Variants in TCP11L2 observed in about 807,000 individuals in gnomAD.
TCP11L2 encodes the protein t-complex 11 like 2, also known as T-complex protein 11-like protein 2.
Under a neutral mutation model 50.7 loss-of-function variants are expected in TCP11L2, and 39 were observed. That is an observed-to-expected ratio of 0.77 (90% confidence interval 0.60 to 1.01). The LOEUF (loss-of-function observed/expected upper bound fraction) is 1.01. Among genes scored for constraint, TCP11L2 ranks in the 50% least tolerant of loss-of-function variants. TCP11L2 has a pLI of 0.00. For synonymous variants in TCP11L2, 192 were observed against 219.3 expected, an observed-to-expected ratio of 0.88 and a Z score of 1.10; for missense variants, 612 against 614.7, an observed-to-expected ratio of 1.00 and a Z score of 0.05.
chr12:106,326,546 A>G (rs1465686099), intron 6 of TCP11L2, among the ~76,000 whole-genome samples: 1 of 152,210 alleles, frequency 6.6e-6, no homozygotes, highest in Non-Finnish European at 1.5e-5. Context: ...ACTACATGCT[A>G]AGTCCTTACT....
chr12:106,321,431 G>A, intron 4 of TCP11L2, 55 bp from the exon 5 acceptor site: 1 of 1,462,548 alleles, frequency 6.8e-7, no homozygotes, highest in East Asian at 2.4e-5. Flanking sequence ...GAGGTGAAAA[G>A]TGACAGCTTT....
Position 106,321,547 on chromosome 12 carries a change from T to C in TCP11L2, c.476T>C (p.Leu159Ser). 6.2e-7 allele frequency: 1 copy of C among 1,614,262 alleles called. No individual in the cohort carries two copies. The highest frequency in any genetic ancestry group is 8.5e-7 in the Non-Finnish European group (1 of 1,180,048). ...NRLRNQICEV[L>S]DTDLIRQQAE... Reference sequence around the variant, plus strand: ...CTTCGCAACCAAATCTGTGAAGTTTTGGACACAGACCTCATTAGGCAGCAG... The same window carrying C: ...CTTCGCAACCAAATCTGTGAAGTTTCGGACACAGACCTCATTAGGCAGCAG... Residue 159 changes from leucine to serine, a missense_variant, in exon 5 of 10, where the codon TTG (leucine) becomes TCG (serine). Coordinates refer to ENST00000299045, the MANE Select transcript of TCP11L2 (RefSeq NM_152772.3).
At position 106,336,198 on chromosome 12, in the gene TCP11L2, A is replaced by G; in HGVS notation, c.1127A>G (p.Glu376Gly). 3 of 1,609,202 alleles carry G rather than the reference A, an allele frequency of 1.9e-6. No individual in the cohort carries two copies. The highest frequency in any genetic ancestry group is 3.3e-4 in the Middle Eastern group (2 of 6,010). Residue 376 changes from glutamate (E) to glycine (G), a missense_variant, in exon 8 of 10, where the codon GAA (glutamate) becomes GGA (glycine). Physicochemically the swap from Glu to Gly is moderately conservative, Grantham distance 98 (BLOSUM62 -2). Coordinates refer to ENST00000299045, the MANE Select transcript of TCP11L2 (RefSeq NM_152772.3). The stretch of plus-strand genomic sequence containing the variant: ...ACAAGGATTTCAGCTGTTCTACTTG[A>G]AGGCATGAACAAAGAGTAAGTTCCA... ...RLTRISAVLLEGMNKETFNLK... is the reference protein window; with the variant it reads ...RLTRISAVLLGGMNKETFNLK...
At chr12:106,337,677 C>CT (rs893930800) in intron 8 of TCP11L2, among the ~76,000 whole-genome samples, 28 of 152,318 alleles carry the variant, frequency 1.8e-4, no homozygotes, top group African/African-American at 6.0e-4. Context: ...ATTATGAACA[C>CT]TTGAATATGT....
At chr12:106,329,201 G>A (rs181502474) in intron 6 of TCP11L2, 9 of 1,121,848 alleles carry the variant, frequency 8.0e-6, no homozygotes, top group Non-Finnish European at 1.2e-5. Context: ...GGAACTTCTC[G>A]AGTGCAGGGA....
chr12:106,344,316 T>C (rs779001400), intron 9 of TCP11L2, among the ~76,000 whole-genome samples: 3 of 152,152 alleles, frequency 2.0e-5, no homozygotes, highest in Non-Finnish European at 2.9e-5. Context: ...TTACAATGTG[T>C]CTGTCACATG....
At chr12:106,330,379 G>C in intron 6 of TCP11L2, 1 of 905,750 alleles carries the variant, frequency 1.1e-6, no homozygotes. Flanking sequence ...CACTGCCCCC[G>C]CCCCACAACA....
rs903657057 is a variant in TCP11L2 at position 106,346,830 on chromosome 12, T to C, written c.*300T>C. 4.0e-6 allele frequency: 1 copy of C among 253,026 alleles called. No homozygotes were observed. The highest frequency in any genetic ancestry group is 7.5e-6 in the Non-Finnish European group (1 of 133,264). The allele number at this position is 253,026 out of a possible 1,614,324, so 15.7% of individuals were successfully genotyped here. The stretch of plus-strand genomic sequence containing the variant: ...ACCTATATAATACTTGTAAATGTTT[T>C]CTTAACCATTTATATTTGGCTTATG... On this transcript the variant is annotated 3_prime_UTR_variant, in exon 10 of 10. Transcript: ENST00000299045.
chr12:106,331,104 A>C (rs1418018722), intron 6 of TCP11L2, among the ~76,000 whole-genome samples: 2 of 152,166 alleles, frequency 1.3e-5, no homozygotes, highest in Non-Finnish European at 2.9e-5. Flanking sequence ...ATGAGACTCA[A>C]GTTCAGTGAT....
chr12:106,321,508 C>T lies in TCP11L2; in HGVS notation c.437C>T (p.Pro146Leu). ...IREILLSFLT[P>L]GGNRLRNQIC... ...TAGATTCTTCTCTCTTTTCTCACTC[C>T]CGGTGGCAACCGGCTTCGCAACCAA... Residue 146 changes from proline (P) to leucine (L), a missense_variant, in exon 5 of 10, where the codon CCC becomes CTC. Pro to Leu is a moderately conservative substitution (Grantham distance 98, BLOSUM62 -3). Transcript: ENST00000299045. 2 of 1,613,950 alleles carry T rather than the reference C, an allele frequency of 1.2e-6. No individual in the cohort carries two copies. The highest frequency in any genetic ancestry group is 1.7e-6 in the Non-Finnish European group (2 of 1,179,940).
chr12:106,344,794 GTAT>G (rs1488823025), intron 9 of TCP11L2, among the ~76,000 whole-genome samples: 5 of 152,170 alleles, frequency 3.3e-5, no homozygotes, highest in Admixed American at 2.0e-4. Flanking sequence ...TTTCTGTCCA[GTAT>G]TATTAATAGT....
chr12:106,331,216 G>T (rs2035735230), intron 6 of TCP11L2, among the ~76,000 whole-genome samples: 1 of 152,144 alleles, frequency 6.6e-6, no homozygotes. Context: ...GATTTTCAGT[G>T]TCTGCATGTT....
At chr12:106,299,146 C>T (rs749328762), upstream of TCP11L2, among the ~76,000 whole-genome samples, 2 of 152,006 alleles carry the variant, frequency 1.3e-5, no homozygotes, top group Non-Finnish European at 2.9e-5. Flanking sequence ...TTGTTTTTTT[C>T]AATTACAATG....
At chr12:106,314,535 CTGTGTGTGTGTGTGTG>C (rs55918458) in intron 3 of TCP11L2, 42 bp downstream of exon 3, 29 of 707,454 alleles carry the variant, frequency 4.1e-5, no homozygotes, top group Admixed American at 3.3e-4. Context: ...GCTGAAGATT[CTGTGTGTGTGTGTGTG>C]TGTGTGTGTG....
intron 6 of TCP11L2, chr12:106,324,518 CAG>C (rs1375607430): frequency 2.6e-5 from 4 of 152,186 alleles, no homozygotes; most frequent in Admixed American, 2.6e-4. Flanking sequence ...GAGTTTTAAT[CAG>C]GGGAGCAACA....
intron 5 of TCP11L2, among the ~76,000 whole-genome samples, chr12:106,322,721 A>G (rs956264123): frequency 8.5e-5 from 13 of 152,190 alleles, no homozygotes; most frequent in African/African-American, 2.9e-4. Context: ...ACTGGTCTGC[A>G]TGTAGTGGGT....
At chr12:106,302,418 C>A (rs533115952), upstream of TCP11L2, among the ~76,000 whole-genome samples, 27 of 124,620 alleles carry the variant, frequency 2.2e-4, 1 homozygote, top group East Asian at 6.1e-3. Context: ...GCCCCCGCTC[C>A]CCCACTCGGC....
At position 106,302,780 on chromosome 12, in the gene TCP11L2, G is replaced by A; in HGVS notation, c.-197G>A. On this transcript the variant is annotated 5_prime_UTR_variant, in exon 1 of 10. Coordinates refer to ENST00000299045, the MANE Select transcript of TCP11L2 (RefSeq NM_152772.3). ...GGCTGCCTCCCTAGAGTCCCTCAGG[G>A]CCCTTTAAATACCGCGTTGGGGGGG... 1 of 148,924 alleles carries A rather than the reference G, an allele frequency of 6.7e-6. No individual in the cohort carries two copies. Among genetic ancestry groups the A allele is most frequent in the Non-Finnish European group, 1.5e-5 (1 of 67,290 alleles). 9.2% of individuals were successfully genotyped at this position (148,924 alleles called of 1,614,324 possible). A position where few individuals can be genotyped will look rare whatever the true frequency, so the allele number is the denominator to read the frequency against.
upstream of TCP11L2, among the ~76,000 whole-genome samples, chr12:106,300,048 T>C (rs2034385038): frequency 6.6e-6 from 1 of 152,200 alleles, no homozygotes; most frequent in Non-Finnish European, 1.5e-5. Flanking sequence ...AAAAACTGTA[T>C]TACTGTGAGT....
Sources: allele counts gnomAD v4.1 joint callset (sites outside exome capture counted in the v4.1 genomes callset), GRCh38; gene constraint gnomAD v4.1.1; transcripts MANE v1.5; gene names NCBI Gene and HGNC (gene_info 2026-07-23, HGNC 2026-07-21).